The following MAP4K4 variants were observed in gnomAD, a reference collection of about 807,000 sequenced individuals.
MAP4K4 encodes the protein HPK/GCK-like kinase HGK.
Under a neutral mutation model 189.6 loss-of-function variants are expected in MAP4K4, and 38 were observed. That is an observed-to-expected ratio of 0.20 (90% CI 0.15 to 0.26). The LOEUF (loss-of-function observed/expected upper bound fraction) is 0.26, where lower values mean the gene tolerates loss of function less well. Ranked by LOEUF, MAP4K4 falls within the 10% of genes least tolerant of loss-of-function variation. The pLI, the probability that MAP4K4 is intolerant of heterozygous loss-of-function variation, is 1.00. For missense variants in MAP4K4, 1,054 were observed against 1,726.9 expected (o/e 0.61, Z 6.91); for synonymous variants, 610 against 624.3 (o/e 0.98, Z 0.34).
intron 3 of MAP4K4, among the ~76,000 whole-genome samples, chr2:101,808,608 A>T (rs1274181291): frequency 2.1e-5 from 3 of 146,298 alleles, no homozygotes; most frequent in Non-Finnish European, 4.5e-5. Context: ...ATTACAGCTC[A>T]GTGAAGCTGC....
chr2:101,868,043 C>A lies in MAP4K4; in HGVS notation c.2463+6C>A, dbSNP rs370950085. ...CTGTACTGAAGGGCGAAGTGGTAAG[C>A]GCCATCTCTGAAAAGTTCCACTTCA... On this transcript the variant is annotated splice_donor_region_variant and intron_variant, in intron 21 of 32. Transcript: ENST00000324219. 2.5e-6 allele frequency: 4 copies of A among 1,612,006 alleles called. No homozygotes were observed. Among genetic ancestry groups the A allele is most frequent in the Non-Finnish European group, 3.4e-6 (4 of 1,179,140 alleles).
intron 3 of MAP4K4, among the ~76,000 whole-genome samples, chr2:101,802,668 C>A (rs1343851181): frequency 6.6e-6 from 1 of 152,218 alleles, no homozygotes; most frequent in East Asian, 1.9e-4. Context: ...TTGCCCTGTT[C>A]TATGTCACCG....
intron 3 of MAP4K4, among the ~76,000 whole-genome samples, chr2:101,809,527 G>T (rs2095276682): frequency 6.6e-6 from 1 of 152,118 alleles, no homozygotes; most frequent in South Asian, 2.1e-4. Flanking sequence ...ACTGAAGTTA[G>T]GGAAAGGAAG....
At chr2:101,764,814 C>T (rs2077898301) in intron 2 of MAP4K4, among the ~76,000 whole-genome samples, 1 of 152,064 alleles carries the variant, frequency 6.6e-6, no homozygotes, top group African/African-American at 2.4e-5. Flanking sequence ...TCCCTTTTCT[C>T]CTGCATTCTC....
At chr2:101,718,561 A>AGGTGGG (rs2049811598) in intron 2 of MAP4K4, among the ~76,000 whole-genome samples, 1 of 48,310 alleles carries the variant, frequency 2.1e-5, no homozygotes, top group Non-Finnish European at 4.1e-5. Flanking sequence ...GACAGTGGGA[A>AGGTGGG]GGTGGGGGTG....
chr2:101,761,860 TATGGG>T (rs1395055672), intron 2 of MAP4K4, among the ~76,000 whole-genome samples: 1 of 152,050 alleles, frequency 6.6e-6, no homozygotes, highest in Non-Finnish European at 1.5e-5. Flanking sequence ...CCCCGCTGAG[TATGGG>T]AGCATTTTAA....
At chr2:101,887,420 T>C (rs1461991663) in intron 30 of MAP4K4, among the ~76,000 whole-genome samples, 183 bp downstream of exon 30, 1 of 152,200 alleles carries the variant, frequency 6.6e-6, no homozygotes, top group African/African-American at 2.4e-5. Flanking sequence ...AAATCCGCCT[T>C]CCTGGCTCTG....
chr2:101,816,215 T>G (rs1369297022), intron 3 of MAP4K4, among the ~76,000 whole-genome samples: 1 of 152,220 alleles, frequency 6.6e-6, no homozygotes, highest in Non-Finnish European at 1.5e-5. Context: ...TTTTGGCTAA[T>G]TTTAGTTGTT....
intron 3 of MAP4K4, among the ~76,000 whole-genome samples, chr2:101,801,299 A>G (rs1047879911): frequency 7.9e-5 from 12 of 152,218 alleles, no homozygotes; most frequent in African/African-American, 1.2e-4. Flanking sequence ...GATTTATAGC[A>G]CAATGACAGG....
chr2:101,844,017 T>C, intron 11 of MAP4K4, 84 bp from the exon 12 acceptor site: 1 of 849,332 alleles, frequency 1.2e-6, no homozygotes, highest in Non-Finnish European at 1.9e-6. Flanking sequence ...AATGTAGAAA[T>C]GGGATAATAT....
At chr2:101,746,168 A>T (rs1036958548) in intron 2 of MAP4K4, among the ~76,000 whole-genome samples, 1 of 151,838 alleles carries the variant, frequency 6.6e-6, no homozygotes, top group African/African-American at 2.4e-5. Flanking sequence ...TTTTACTTTT[A>T]GTAGAGACAC....
At chr2:101,783,876 T>C (rs2089169411) in intron 2 of MAP4K4, among the ~76,000 whole-genome samples, 1 of 152,208 alleles carries the variant, frequency 6.6e-6, no homozygotes, top group Non-Finnish European at 1.5e-5. Context: ...TATGACAAGC[T>C]TCTCTCATCC....
intron 13 of MAP4K4, among the ~76,000 whole-genome samples, chr2:101,858,169 T>C (rs2097534035): frequency 6.6e-6 from 1 of 152,204 alleles, no homozygotes; most frequent in Non-Finnish European, 1.5e-5. Context: ...TAGAGCATGC[T>C]AGGGATCATA....
chr2:101,859,254 T>C (rs1385335803), intron 14 of MAP4K4, among the ~76,000 whole-genome samples, 172 bp downstream of exon 14: 4 of 152,228 alleles, frequency 2.6e-5, no homozygotes, highest in Admixed American at 6.5e-5. Flanking sequence ...ACATGGTCTT[T>C]ATTTATTTAT....
intron 2 of MAP4K4, among the ~76,000 whole-genome samples, chr2:101,758,354 C>T (rs1461468592): frequency 6.6e-6 from 1 of 152,158 alleles, no homozygotes; most frequent in African/African-American, 2.4e-5. Context: ...GTGTTACTCT[C>T]TGTTTGGCAG....
intron 2 of MAP4K4, among the ~76,000 whole-genome samples, chr2:101,779,093 A>G (rs2085883710): frequency 6.6e-6 from 1 of 152,216 alleles, no homozygotes; most frequent in Non-Finnish European, 1.5e-5. Flanking sequence ...GGCACAATAA[A>G]TAAATGGATA....
chr2:101,760,530 A>ATGTG (rs34293909), intron 2 of MAP4K4, among the ~76,000 whole-genome samples: 2,133 of 138,670 alleles, frequency 0.015, 15 homozygotes, highest in East Asian at 0.047. Flanking sequence ...ATATGTATAT[A>ATGTG]TGTGTGTGTG....
chr2:101,868,063 AC>A, intron 21 of MAP4K4, 26 bp downstream of exon 21: 1 of 1,609,450 alleles, frequency 6.2e-7, no homozygotes. Flanking sequence ...GAAAAGTTCC[AC>A]TTCAGAGCAG....
At chr2:101,702,365 G>T (rs1174905252) in intron 2 of MAP4K4, among the ~76,000 whole-genome samples, 1 of 151,936 alleles carries the variant, frequency 6.6e-6, no homozygotes, top group Admixed American at 6.6e-5. Flanking sequence ...TCAGGAGTTC[G>T]AGACCAGCCT....
Sources: gnomAD v4.1 joint callset for allele counts (sites outside exome capture counted in the v4.1 genomes callset) on GRCh38, gnomAD v4.1.1 for gene constraint, MANE v1.5 for transcripts, NCBI Gene and HGNC (gene_info 2026-07-23, HGNC 2026-07-21) for gene names.